The following EEIG1 variants were observed in gnomAD, a reference collection of about 807,000 sequenced individuals.
EEIG1 encodes estrogen-induced osteoclastogenesis regulator 1.
the EEIG1 span, among the ~76,000 whole-genome samples, chr9:127,975,788 T>C: frequency 2.6e-5 from 4 of 151,822 alleles, no homozygotes; most frequent in Admixed American, 6.6e-5. Context: ...CAAGCAGAGA[T>C]CTCTTGGGTG....
chr9:127,944,551 G>A, the EEIG1 span: 5 of 1,195,430 alleles, frequency 4.2e-6, no homozygotes, highest in Non-Finnish European at 4.9e-6. Flanking sequence ...AGTGGACTGT[G>A]GGGACTCTGC....
the EEIG1 span, among the ~76,000 whole-genome samples, chr9:127,979,793 C>T: frequency 6.6e-6 from 1 of 152,220 alleles, no homozygotes; most frequent in African/African-American, 2.4e-5. Context: ...AGACTAGACC[C>T]CCAGGTATTT....
At chr9:127,967,635 C>G in the EEIG1 span, among the ~76,000 whole-genome samples, 1 of 152,332 alleles carries the variant, frequency 6.6e-6, no homozygotes, top group Non-Finnish European at 1.5e-5. Flanking sequence ...TGGCTCTGCT[C>G]GGGGGACTTC....
At chr9:127,958,318 C>A in the EEIG1 span, among the ~76,000 whole-genome samples, 1 of 152,064 alleles carries the variant, frequency 6.6e-6, no homozygotes. Context: ...GGATATAATA[C>A]CAGAAGTACA....
At chr9:127,980,765 GC>G in the EEIG1 span, among the ~76,000 whole-genome samples, 1 of 149,778 alleles carries the variant, frequency 6.7e-6, no homozygotes. Context: ...GGAACGTCCG[GC>G]CTCGGGCCTC....
the EEIG1 span, among the ~76,000 whole-genome samples, chr9:127,980,697 G>A: frequency 2.0e-5 from 3 of 150,258 alleles, no homozygotes; most frequent in Admixed American, 1.3e-4. Context: ...GCACCCCCAG[G>A]GGGCTGCCAG....
At chr9:127,944,280 G>A in the EEIG1 span, 1,009 of 418,634 alleles carry the variant, frequency 2.4e-3, 4 homozygotes, top group African/African-American at 0.019. Context: ...AGTCCCTGGA[G>A]CTGGGAGGAA....
the EEIG1 span, among the ~76,000 whole-genome samples, chr9:127,949,400 G>A: frequency 4.6e-5 from 7 of 151,830 alleles, no homozygotes; most frequent in South Asian, 1.5e-3. Context: ...ATCCTAGCTA[G>A]CCCAAGGCTG....
At chr9:127,950,345 TC>T in the EEIG1 span, 1 of 1,454,726 alleles carries the variant, frequency 6.9e-7, no homozygotes, top group Non-Finnish European at 9.6e-7. Flanking sequence ...ACAACCCTCC[TC>T]CAGAGGATTC....
At chr9:127,974,951 C>T in the EEIG1 span, among the ~76,000 whole-genome samples, 1 of 152,230 alleles carries the variant, frequency 6.6e-6, no homozygotes, top group South Asian at 2.1e-4. Context: ...CGAACCTCCA[C>T]GGCCCCTGCT....
At chr9:127,960,209 C>T in the EEIG1 span, among the ~76,000 whole-genome samples, 2 of 152,088 alleles carry the variant, frequency 1.3e-5, no homozygotes, top group African/African-American at 2.4e-5. Flanking sequence ...TGAGCAAAGA[C>T]AGGGGAAGAG....
At chr9:127,953,394 ATATGCTGCCTT>A in the EEIG1 span, 3 of 619,788 alleles carry the variant, frequency 4.8e-6, no homozygotes, top group Non-Finnish European at 8.6e-6. Flanking sequence ...TGCAACAACC[ATATGCTGCCTT>A]TATATTGAGT....
At chr9:127,945,405 C>T in the EEIG1 span, 1 of 1,582,960 alleles carries the variant, frequency 6.3e-7, no homozygotes, top group Non-Finnish European at 8.6e-7. This position sits in a 1 kb window ranked among gnomAD's most constrained non-coding sequence, Gnocchi z 6.5. Context: ...GCCGGGGTGG[C>T]CGCGGCGGCT....
the EEIG1 span, chr9:127,948,408 T>C: frequency 6.2e-7 from 1 of 1,614,094 alleles, no homozygotes; most frequent in East Asian, 2.2e-5. Context: ...AACATACCAA[T>C]GGTGACCTGT....
the EEIG1 span, chr9:127,948,322 C>G: frequency 6.2e-7 from 1 of 1,612,812 alleles, no homozygotes. Flanking sequence ...CCCTAGTGCC[C>G]GGGACTGGGC....
At chr9:127,947,585 C>G in the EEIG1 span, among the ~76,000 whole-genome samples, 1 of 152,160 alleles carries the variant, frequency 6.6e-6, no homozygotes, top group African/African-American at 2.4e-5. Context: ...CAGAGAGACG[C>G]AAACTGGCCA....
the EEIG1 span, chr9:127,950,457 G>A: frequency 2.6e-5 from 42 of 1,613,860 alleles, no homozygotes; most frequent in Middle Eastern, 1.6e-4. Flanking sequence ...AGTGTTCTTC[G>A]TGTCATATCC....
chr9:127,950,846 A>G, the EEIG1 span: 21 of 412,338 alleles, frequency 5.1e-5, no homozygotes, highest in South Asian at 8.5e-4. Flanking sequence ...CGTGACACAG[A>G]TGCATTGTTC....
At chr9:127,948,710 A>C in the EEIG1 span, among the ~76,000 whole-genome samples, 1 of 152,344 alleles carries the variant, frequency 6.6e-6, no homozygotes. Flanking sequence ...GCCATCAGCT[A>C]CAGGCCTAGA....
Sources: gnomAD v4.1 joint callset for allele counts (sites outside exome capture counted in the v4.1 genomes callset) on GRCh38, gnomAD v4.1.1 for gene constraint, Gnocchi (gnomAD v3.1) non-coding constraint, MANE v1.5 for transcripts, NCBI Gene and HGNC (gene_info 2026-07-23, HGNC 2026-07-21) for gene names.